The following LUC7L2 variants were observed in gnomAD, a reference collection of about 807,000 sequenced individuals.
LUC7L2 encodes the protein LUC7 like 2, pre-mRNA splicing factor.
LUC7L2 carries 25 observed loss-of-function variants against 52.8 expected under a neutral mutation model. The ratio of observed to expected loss-of-function variants is 0.47; its 90% CI spans 0.34 to 0.66. The LOEUF (loss-of-function observed/expected upper bound fraction) is 0.66, where lower values mean the gene tolerates loss of function less well. Among genes scored for constraint, LUC7L2 ranks in the 30% least tolerant of loss-of-function variants. The pLI, the probability that LUC7L2 is intolerant of heterozygous loss-of-function variation, is 0.01. For missense variants in LUC7L2, 328 were observed against 497.8 expected (o/e 0.66, Z 3.25); for synonymous variants, 144 against 160.9 (o/e 0.89, Z 0.80).
chr7:139,381,180 A>G (rs1399704431), intron 2 of LUC7L2, among the ~76,000 whole-genome samples: 2 of 152,080 alleles, frequency 1.3e-5, no homozygotes, highest in East Asian at 3.9e-4. Flanking sequence ...ATTCTATACC[A>G]TTTAGGAATC....
chr7:139,407,001 G>GTTT (rs58914782), intron 5 of LUC7L2, among the ~76,000 whole-genome samples, 173 bp from the exon 6 acceptor site: 16 of 110,452 alleles, frequency 1.4e-4, no homozygotes, highest in African/African-American at 3.3e-4. Context: ...TGCTTTTGTG[G>GTTT]TTTTTTTTTT....
intron 4 of LUC7L2, among the ~76,000 whole-genome samples, chr7:139,405,070 G>T (rs1007714498): frequency 6.6e-6 from 1 of 152,224 alleles, no homozygotes; most frequent in Non-Finnish European, 1.5e-5. Flanking sequence ...TGTCAAAAAA[G>T]ATACAAAGGT....
chr7:139,416,367 T>C (rs1795619281), intron 8 of LUC7L2: 1 of 152,048 alleles, frequency 6.6e-6, no homozygotes, highest in South Asian at 2.1e-4. Context: ...AAAATGTCTT[T>C]ATTTTGCCAG....
chr7:139,343,882 C>T (rs572863664), intron 1 of LUC7L2, among the ~76,000 whole-genome samples: 156 of 145,558 alleles, frequency 1.1e-3, no homozygotes, highest in African/African-American at 3.8e-3. Flanking sequence ...GCCATGTTCA[C>T]GCTATTGCAC....
intron 2 of LUC7L2, among the ~76,000 whole-genome samples, chr7:139,383,311 G>T (rs1176202374): frequency 1.3e-5 from 2 of 152,064 alleles, no homozygotes; most frequent in African/African-American, 4.8e-5. Flanking sequence ...TAGAGACGGG[G>T]TTTCTCCAGT....
intron 7 of LUC7L2, among the ~76,000 whole-genome samples, chr7:139,410,612 A>G (rs1247816557): frequency 6.6e-6 from 1 of 152,178 alleles, no homozygotes; most frequent in Admixed American, 6.5e-5. Flanking sequence ...CAGCTTTAGG[A>G]TGGACAGTTA....
chr7:139,362,428 G>A (rs1799935619), intron 1 of LUC7L2, among the ~76,000 whole-genome samples: 2 of 151,966 alleles, frequency 1.3e-5, no homozygotes, highest in Admixed American at 1.3e-4. Flanking sequence ...CCCAGGGATA[G>A]GGGAACATGG....
intron 3 of LUC7L2, among the ~76,000 whole-genome samples, chr7:139,399,792 G>A (rs910675167): frequency 1.3e-5 from 2 of 151,980 alleles, no homozygotes; most frequent in Non-Finnish European, 2.9e-5. Context: ...TAAGGACAGT[G>A]TTTTTAATGA....
chr7:139,344,088 T>C (rs1799140104), intron 1 of LUC7L2, among the ~76,000 whole-genome samples: 1 of 151,928 alleles, frequency 6.6e-6, no homozygotes, highest in Non-Finnish European at 1.5e-5. Flanking sequence ...AATACAGAAC[T>C]AGTTAAAGAG....
chr7:139,398,608 C>G lies in LUC7L2; in HGVS notation c.166C>G (p.Leu56Val). ...CTTTTTTCCCTTCCAGAGAATGGATCTTGGAGAATGTCTGAAAGTCCATGA... is the reference window on the plus strand; with the variant it reads ...CTTTTTTCCCTTCCAGAGAATGGATGTTGGAGAATGTCTGAAAGTCCATGA... The part of the protein sequence containing the change: ...HDVLSGTRMD[L>V]GECLKVHDLA... Residue 56 changes from leucine (L) to valine (V), a missense_variant, in exon 3 of 10, where the codon CTT becomes GTT. By Grantham distance (32) the Leu-to-Val change is conservative. Around this residue, in one of 2 missense-constraint regions of LUC7L2, gnomAD observed 133 missense variants for 274.4 expected, o/e 0.48. Coordinates refer to ENST00000354926, the MANE Select transcript of LUC7L2 (RefSeq NM_016019.5). The G allele has an allele frequency of 6.2e-7, 1 of 1,607,152 alleles. No individual in the cohort carries two copies. The highest frequency in any genetic ancestry group is 8.5e-7 in the Non-Finnish European group (1 of 1,177,964).
intron 3 of LUC7L2, among the ~76,000 whole-genome samples, chr7:139,401,344 C>G (rs989707861): frequency 2.6e-5 from 4 of 152,140 alleles, no homozygotes; most frequent in African/African-American, 7.2e-5. Flanking sequence ...CCATTCAGAT[C>G]TAGACTTGCA....
intron 2 of LUC7L2, among the ~76,000 whole-genome samples, chr7:139,385,582 A>G (rs1794161843): frequency 6.6e-6 from 1 of 152,056 alleles, no homozygotes; most frequent in Admixed American, 6.6e-5. Flanking sequence ...GGGCCTCTCA[A>G]ACATGCTGGG....
At chr7:139,370,379 G>T (rs1800382795) in intron 1 of LUC7L2, among the ~76,000 whole-genome samples, 1 of 152,180 alleles carries the variant, frequency 6.6e-6, no homozygotes, top group Non-Finnish European at 1.5e-5. Flanking sequence ...AAAATGATCA[G>T]ATTGGCTCCT....
At chr7:139,404,098 A>T (rs1020881312) in intron 4 of LUC7L2, among the ~76,000 whole-genome samples, 2 of 152,234 alleles carry the variant, frequency 1.3e-5, no homozygotes, top group Non-Finnish European at 2.9e-5. Context: ...GAGGATAGTG[A>T]TAATAGAATT....
intron 1 of LUC7L2, among the ~76,000 whole-genome samples, chr7:139,372,794 T>A (rs1800520360): frequency 6.6e-6 from 1 of 152,060 alleles, no homozygotes; most frequent in South Asian, 2.1e-4. Flanking sequence ...TTTAAAAAAT[T>A]AAAAAAATTA....
intron 1 of LUC7L2, 80 bp downstream of exon 1, chr7:139,360,402 C>G: frequency 7.3e-7 from 1 of 1,376,810 alleles, no homozygotes. Context: ...CGCACCTGGG[C>G]GCGCGCGTGT....
intron 2 of LUC7L2, among the ~76,000 whole-genome samples, chr7:139,377,681 C>T (rs569417785): frequency 2.0e-5 from 3 of 151,936 alleles, no homozygotes; most frequent in East Asian, 3.9e-4. Context: ...CATGAGCCAC[C>T]GTGCCCGGCC....
At chr7:139,410,359 GT>G (rs1242401147) in intron 7 of LUC7L2, among the ~76,000 whole-genome samples, 1 of 151,622 alleles carries the variant, frequency 6.6e-6, no homozygotes, top group African/African-American at 2.4e-5. Context: ...TCATTGAAGG[GT>G]TTTTTTTACA....
intron 2 of LUC7L2, among the ~76,000 whole-genome samples, chr7:139,387,117 G>A (rs965485755): frequency 2.0e-5 from 3 of 152,182 alleles, no homozygotes; most frequent in Non-Finnish European, 4.4e-5. Context: ...TGGGATTACA[G>A]GCATGAGCCA....
Sources: gnomAD v4.1 joint callset for allele counts (sites outside exome capture counted in the v4.1 genomes callset) on GRCh38, gnomAD v4.1.1 for gene constraint, gnomAD v4.1.1 regional missense constraint, MANE v1.5 for transcripts, NCBI Gene and HGNC (gene_info 2026-07-23, HGNC 2026-07-21) for gene names.